Variants in TBC1D5 observed in about 807,000 individuals in gnomAD.
The protein encoded by TBC1D5 is TBC1 domain family member 5.
In TBC1D5, 75 loss-of-function variants were observed where a neutral mutation model predicts 100.3. The observed-to-expected ratio is 0.75, with a 90% CI of 0.62 to 0.91. The LOEUF is 0.91. TBC1D5 is among the 40% of genes least tolerant of loss of function. The pLI is 0.00. For missense variants in TBC1D5, 910 were observed against 942.4 expected (o/e 0.97, Z 0.45); for synonymous variants, 323 against 325.6 (o/e 0.99, Z 0.09).
At position 17,292,623 on chromosome 3, in the gene TBC1D5, A is replaced by AT. The variant is rs559701595; in HGVS notation, c.1139-623dup. 4.8e-4 allele frequency among the ~76,000 whole-genome samples: 73 copies of AT among 150,532 alleles called. 1 individual carries two copies. Among genetic ancestry groups the AT allele is most frequent in the East Asian group, 9.7e-4 (5 of 5,144 alleles). On this transcript the variant is annotated intron_variant, in intron 14 of 21. Transcript: ENST00000253692. ...AATGTGTTCTGTAGCCTGTCATTTAATTTTTTTTTTCAAATCAACCTAATT... is the reference window on the plus strand; with the variant it reads ...AATGTGTTCTGTAGCCTGTCATTTAATTTTTTTTTTTCAAATCAACCTAATT...
At chr3:17,285,133 GA>G (rs2081035503) in intron 15 of TBC1D5, among the ~76,000 whole-genome samples, 1 of 150,904 alleles carries the variant, frequency 6.6e-6, no homozygotes, top group African/African-American at 2.4e-5. Flanking sequence ...CAAAAAATTG[GA>G]TTAGTAACAT....
chr3:17,705,226 A>G (rs1267137169), intron 1 of TBC1D5, among the ~76,000 whole-genome samples: 3 of 43,072 alleles, frequency 7.0e-5, no homozygotes, highest in African/African-American at 2.7e-4. Context: ...CCCGGACGGC[A>G]CGGCTGGCCA....
At chr3:17,191,799 T>C (rs2069945359) in intron 18 of TBC1D5, among the ~76,000 whole-genome samples, 1 of 151,750 alleles carries the variant, frequency 6.6e-6, no homozygotes, top group Non-Finnish European at 1.5e-5. Flanking sequence ...TTTAAATATA[T>C]TTTTAGTAGA....
chr3:17,598,855 G>A (rs2060744502), intron 2 of TBC1D5, among the ~76,000 whole-genome samples: 1 of 151,930 alleles, frequency 6.6e-6, no homozygotes, highest in African/African-American at 2.4e-5. Flanking sequence ...TTCCTTTATT[G>A]AGCTCACTGC....
chr3:17,459,571 A>G (rs1171023835), intron 3 of TBC1D5, among the ~76,000 whole-genome samples: 1 of 152,188 alleles, frequency 6.6e-6, no homozygotes. Flanking sequence ...ACCATTACAT[A>G]TTTTTATGGA....
At chr3:17,675,448 T>C (rs1171893366) in intron 1 of TBC1D5, among the ~76,000 whole-genome samples, 1 of 152,104 alleles carries the variant, frequency 6.6e-6, no homozygotes, top group Non-Finnish European at 1.5e-5. Context: ...CTGTCACTCT[T>C]TACATGCATA....
intron 17 of TBC1D5, 81 bp from the exon 19 acceptor site, chr3:17,214,451 T>C (rs924868625): frequency 4.4e-6 from 6 of 1,371,238 alleles, no homozygotes; most frequent in Non-Finnish European, 3.0e-6. Context: ...TAATAAATGA[T>C]GATCAATTAT....
intron 19 of TBC1D5, among the ~76,000 whole-genome samples, chr3:17,176,984 G>GTAT (rs2067831711): frequency 6.6e-6 from 1 of 152,182 alleles, no homozygotes; most frequent in Non-Finnish European, 1.5e-5. Flanking sequence ...GGGGGCCACT[G>GTAT]TGGTCACCCT....
intron 2 of TBC1D5, among the ~76,000 whole-genome samples, chr3:17,573,158 G>A (rs1383393200): frequency 2.6e-5 from 4 of 151,982 alleles, no homozygotes; most frequent in Admixed American, 1.3e-4. Flanking sequence ...CGCTCCTCTT[G>A]TATTCTCTTG....
chr3:17,673,999 C>T (rs2068298785), intron 1 of TBC1D5, among the ~76,000 whole-genome samples: 1 of 152,158 alleles, frequency 6.6e-6, no homozygotes, highest in Admixed American at 6.5e-5. Flanking sequence ...GAGCCTGACT[C>T]CCAATTCCTT....
intron 1 of TBC1D5, among the ~76,000 whole-genome samples, chr3:17,679,566 T>C (rs2069164221): frequency 6.6e-6 from 1 of 151,522 alleles, no homozygotes; most frequent in South Asian, 2.1e-4. Flanking sequence ...TTTGCAATTG[T>C]TTAGCTCTCA....
intron 19 of TBC1D5, among the ~76,000 whole-genome samples, chr3:17,178,168 C>A (rs752062248): frequency 1.3e-5 from 2 of 151,528 alleles, no homozygotes; most frequent in African/African-American, 2.4e-5. Flanking sequence ...TGGGTTCACG[C>A]CATTCTCCTG....
At chr3:17,271,543 C>T (rs540213470) in intron 15 of TBC1D5, among the ~76,000 whole-genome samples, 2 of 152,002 alleles carry the variant, frequency 1.3e-5, no homozygotes, top group East Asian at 3.8e-4. Context: ...CATCATATTG[C>T]CAGAGAAGAG....
At chr3:17,487,082 T>A (rs1026642941) in intron 3 of TBC1D5, among the ~76,000 whole-genome samples, 175 of 152,350 alleles carry the variant, frequency 1.1e-3, no homozygotes, top group African/African-American at 3.6e-3. Flanking sequence ...AAACTGGCTA[T>A]AGCCTCTTGT....
chr3:17,424,133 T>C (rs763571974), intron 4 of TBC1D5, among the ~76,000 whole-genome samples: 45 of 152,338 alleles, frequency 3.0e-4, no homozygotes, highest in Non-Finnish European at 5.4e-4. Context: ...AAAAGATATT[T>C]AGAAACATAG....
intron 2 of TBC1D5, among the ~76,000 whole-genome samples, chr3:17,524,937 G>A (rs2096112822): frequency 6.7e-6 from 1 of 150,120 alleles, no homozygotes; most frequent in Non-Finnish European, 1.5e-5. Flanking sequence ...AAAATGCTCT[G>A]ATGTAAAAAA....
At chr3:17,614,256 G>C (rs1411663534) in intron 2 of TBC1D5, among the ~76,000 whole-genome samples, 3 of 152,064 alleles carry the variant, frequency 2.0e-5, no homozygotes, top group Non-Finnish European at 4.4e-5. Context: ...TATCTGTTTT[G>C]GTACCAAGTA....
intron 13 of TBC1D5, among the ~76,000 whole-genome samples, chr3:17,360,399 G>A (rs1329973711): frequency 6.6e-6 from 1 of 151,856 alleles, no homozygotes; most frequent in Non-Finnish European, 1.5e-5. Flanking sequence ...CTTTAAGACC[G>A]GGATTGGCAA....
At chr3:17,736,781 G>A (rs1419294623) in intron 1 of TBC1D5, among the ~76,000 whole-genome samples, 1 of 152,202 alleles carries the variant, frequency 6.6e-6, no homozygotes, top group Non-Finnish European at 1.5e-5. Flanking sequence ...GGAAGCTGGG[G>A]CGGGTGGATC....
Sources: allele counts gnomAD v4.1 joint callset (sites outside exome capture counted in the v4.1 genomes callset), GRCh38; gene constraint gnomAD v4.1.1; transcripts MANE v1.5; gene names NCBI Gene and HGNC (gene_info 2026-07-23, HGNC 2026-07-21).